The following SDHB variants were observed in gnomAD, a reference collection of about 807,000 sequenced individuals.
The protein encoded by SDHB is succinate dehydrogenase [ubiquinone] iron-sulfur subunit, mitochondrial.
Under a neutral mutation model 39.7 loss-of-function variants are expected in SDHB, and 21 were observed. The ratio of observed to expected loss-of-function variants is 0.53; its 90% CI spans 0.37 to 0.76. SDHB has a LOEUF of 0.76. Ranked by LOEUF, SDHB falls within the 30% of genes least tolerant of loss-of-function variation. The probability of loss-of-function intolerance (pLI) is 0.00; values close to 1 mark genes in which losing one functional copy is unlikely to be tolerated. For missense variants in SDHB, 343 were observed against 350.9 expected (o/e 0.98, Z 0.18); for synonymous variants, 118 against 117.0 (o/e 1.01, Z -0.06).
At position 17,019,289 on chromosome 1, in the gene SDHB, A is replaced by G. The variant is rs1363877007; in HGVS notation, c.766-331T>C. Reference sequence around the variant, plus strand: ...AGGGTAGTGTCTCTTCTAGGACTACAGGCCAATGTCAAAATCAGCCAGACA... The same window carrying G: ...AGGGTAGTGTCTCTTCTAGGACTACGGGCCAATGTCAAAATCAGCCAGACA... On this transcript the variant is annotated intron_variant, in intron 7 of 7. Transcript: ENST00000375499. 5.9e-5 allele frequency among the ~76,000 whole-genome samples: 9 copies of G among 152,216 alleles called. No individual in the cohort carries two copies. In the South Asian group the frequency reaches 1.7e-3, roughly 28 times the overall value.
At chr1:17,029,092 TG>T (rs2078008004) in intron 3 of SDHB, among the ~76,000 whole-genome samples, 2 of 111,448 alleles carry the variant, frequency 1.8e-5, no homozygotes, top group African/African-American at 6.4e-5. Flanking sequence ...AAAATCAGCC[TG>T]TTTTTTTTTT....
intron 5 of SDHB, among the ~76,000 whole-genome samples, chr1:17,026,208 G>A (rs2077990227): frequency 6.6e-6 from 1 of 152,208 alleles, no homozygotes; most frequent in Admixed American, 6.5e-5. Flanking sequence ...GGATGCACAA[G>A]ACTCTGGGAG....
At chr1:17,036,004 G>A (rs2078048683) in intron 2 of SDHB, among the ~76,000 whole-genome samples, 1 of 152,110 alleles carries the variant, frequency 6.6e-6, no homozygotes, top group Non-Finnish European at 1.5e-5. Context: ...TTTCCTAATA[G>A]GTAGGGCTCA....
intron 1 of SDHB, among the ~76,000 whole-genome samples, chr1:17,048,364 C>T (rs987264459): frequency 1.3e-5 from 2 of 152,160 alleles, no homozygotes; most frequent in African/African-American, 4.8e-5. Context: ...GTATCATGTA[C>T]CACAATTTGC....
intron 5 of SDHB, among the ~76,000 whole-genome samples, chr1:17,027,435 C>T (rs575319566): frequency 3.3e-5 from 5 of 152,222 alleles, no homozygotes; most frequent in Admixed American, 6.5e-5. Flanking sequence ...ACAGTTCTGA[C>T]TTAGTGGTCA....
intron 7 of SDHB, among the ~76,000 whole-genome samples, chr1:17,022,044 A>C (rs1029246225): frequency 1.3e-5 from 2 of 152,154 alleles, no homozygotes; most frequent in Non-Finnish European, 2.9e-5. Context: ...AACTGTGCTG[A>C]GAAGTGCTGG....
chr1:17,019,565 T>C (rs975897850), intron 7 of SDHB, among the ~76,000 whole-genome samples: 1 of 152,030 alleles, frequency 6.6e-6, no homozygotes, highest in African/African-American at 2.4e-5. Flanking sequence ...TAGGAAGTAC[T>C]TTACCAAGTA....
At chr1:17,040,497 C>T (rs764389432) in intron 2 of SDHB, among the ~76,000 whole-genome samples, 2 of 152,164 alleles carry the variant, frequency 1.3e-5, no homozygotes, top group Non-Finnish European at 2.9e-5. Flanking sequence ...CTCTGCTGCC[C>T]AGGTTGGAGT....
At chr1:17,029,916 T>C (rs2078013624) in intron 3 of SDHB, among the ~76,000 whole-genome samples, 1 of 152,170 alleles carries the variant, frequency 6.6e-6, no homozygotes, top group Non-Finnish European at 1.5e-5. Context: ...AAAAATTCTT[T>C]GTAGGTTGGG....
intron 7 of SDHB, among the ~76,000 whole-genome samples, chr1:17,021,700 G>A (rs2077962875): frequency 6.6e-6 from 1 of 151,806 alleles, no homozygotes; most frequent in East Asian, 1.9e-4. Context: ...AGCTGAGATC[G>A]ATCGTGCCAT....
At chr1:17,033,890 T>G (rs145169520) in intron 2 of SDHB, among the ~76,000 whole-genome samples, 1 of 152,362 alleles carries the variant, frequency 6.6e-6, no homozygotes, top group East Asian at 1.9e-4. Flanking sequence ...ATAATAATCA[T>G]CATGCAGAAA....
intron 3 of SDHB, among the ~76,000 whole-genome samples, chr1:17,029,340 C>A (rs1320235175): frequency 6.6e-6 from 1 of 151,728 alleles, no homozygotes; most frequent in Non-Finnish European, 1.5e-5. Flanking sequence ...CCAGGCTGGG[C>A]TTGAACTGCT....
At chr1:17,050,678 C>T (rs886517415) in intron 1 of SDHB, among the ~76,000 whole-genome samples, 1 of 150,646 alleles carries the variant, frequency 6.6e-6, no homozygotes, top group African/African-American at 2.4e-5. Flanking sequence ...AAATGTATTT[C>T]ATACAATATT....
intron 6 of SDHB, 120 bp from the exon 7 acceptor site, chr1:17,022,850 C>T: frequency 1.7e-6 from 2 of 1,205,702 alleles, no homozygotes; most frequent in Non-Finnish European, 2.4e-6. Context: ...GATGCCTCAT[C>T]TCCATACTCT....
intron 7 of SDHB, among the ~76,000 whole-genome samples, chr1:17,020,251 C>T (rs921334086): frequency 6.6e-6 from 1 of 152,156 alleles, no homozygotes; most frequent in Non-Finnish European, 1.5e-5. Flanking sequence ...CCAATCCATG[C>T]AGGAAGAAAG....
At chr1:17,033,969 T>C (rs1277005005) in intron 2 of SDHB, among the ~76,000 whole-genome samples, 1 of 152,218 alleles carries the variant, frequency 6.6e-6, no homozygotes, top group Non-Finnish European at 1.5e-5. Context: ...CACCACAGGG[T>C]TACTGTGAAA....
intron 2 of SDHB, among the ~76,000 whole-genome samples, chr1:17,039,224 A>G (rs1254027304): frequency 1.3e-5 from 2 of 151,788 alleles, no homozygotes; most frequent in Admixed American, 1.3e-4. Context: ...GACTAAGTAA[A>G]TATTTTTAGA....
At chr1:17,022,860 T>A (rs2077969852) in intron 6 of SDHB, 130 bp from the exon 7 acceptor site, 1 of 1,138,650 alleles carries the variant, frequency 8.8e-7, no homozygotes, top group African/African-American at 1.5e-5. Flanking sequence ...CTCCATACTC[T>A]TTAATTCTTG....
chr1:17,035,299 TA>T (rs2078045061), intron 2 of SDHB, among the ~76,000 whole-genome samples: 2 of 152,040 alleles, frequency 1.3e-5, no homozygotes, highest in South Asian at 2.1e-4. Context: ...TTTTTCTACT[TA>T]AAAAAAATTT....
Sources: gnomAD v4.1 joint callset for allele counts (sites outside exome capture counted in the v4.1 genomes callset) on GRCh38, gnomAD v4.1.1 for gene constraint, MANE v1.5 for transcripts, NCBI Gene and HGNC (gene_info 2026-07-23, HGNC 2026-07-21) for gene names.